Variants in ESRRB observed in about 807,000 individuals in gnomAD.
The protein encoded by ESRRB is estrogen related receptor beta, also known as steroid hormone receptor ERR2.
Under a neutral mutation model 46.0 loss-of-function variants are expected in ESRRB, and 16 were observed. The ratio of observed to expected loss-of-function variants is 0.35; its 90% confidence interval spans 0.24 to 0.53. The LOEUF is 0.53. ESRRB is among the 20% of genes least tolerant of loss of function. The pLI is 0.93. For synonymous variants in ESRRB, 246 were observed against 259.6 expected, an observed-to-expected ratio of 0.95 and a Z score of 0.50; for missense variants, 488 against 607.4, an observed-to-expected ratio of 0.80 and a Z score of 2.07.
chr14:76,446,283 T>A (rs1159784478), intron 2 of ESRRB, among the ~76,000 whole-genome samples: 1 of 152,210 alleles, frequency 6.6e-6, no homozygotes, highest in African/African-American at 2.4e-5. Flanking sequence ...CAGAGACCTA[T>A]AATCAACTCC....
At chr14:76,403,348 G>A (rs939777087) in intron 1 of ESRRB, among the ~76,000 whole-genome samples, 2 of 152,120 alleles carry the variant, frequency 1.3e-5, no homozygotes, top group African/African-American at 4.8e-5. Context: ...TGTGTGGCTG[G>A]GAAATCTATA....
chr14:76,405,504 G>T (rs1886145501), intron 1 of ESRRB, among the ~76,000 whole-genome samples: 1 of 152,134 alleles, frequency 6.6e-6, no homozygotes, highest in Non-Finnish European at 1.5e-5. Context: ...AAGTAGTGTG[G>T]GTGGTTTATC....
intron 1 of ESRRB, among the ~76,000 whole-genome samples, chr14:76,321,886 C>CA (rs35191942): frequency 0.57 from 81,102 of 141,792 alleles, 23,612 homozygotes; most frequent in Middle Eastern, 0.78. Flanking sequence ...GACTCCGTCT[C>CA]AAAAAAAAAA....
intron 1 of ESRRB, among the ~76,000 whole-genome samples, chr14:76,379,040 C>T (rs1377668716): frequency 6.6e-6 from 1 of 152,148 alleles, no homozygotes; most frequent in Non-Finnish European, 1.5e-5. Flanking sequence ...CTCTGGTCCT[C>T]CCTTTTGCTT....
chr14:76,484,917 C>T (rs951384523), intron 5 of ESRRB, among the ~76,000 whole-genome samples: 2 of 152,178 alleles, frequency 1.3e-5, no homozygotes, highest in African/African-American at 4.8e-5. Context: ...GAGGATGTAG[C>T]GCGCTTAGTG....
intron 1 of ESRRB, among the ~76,000 whole-genome samples, chr14:76,410,501 A>T (rs999550524): frequency 4.6e-5 from 7 of 152,178 alleles, no homozygotes; most frequent in Non-Finnish European, 8.8e-5. Context: ...ATGTGCACTC[A>T]TACACAGCTT....
chr14:76,482,857 AC>A lies in ESRRB; in HGVS notation c.850+102del. 1.4e-6 allele frequency: 2 copies of A among 1,444,418 alleles called. No individual in the cohort carries two copies. Among genetic ancestry groups the A allele is most frequent in the Non-Finnish European group, 9.6e-7 (1 of 1,037,378 alleles). 89.5% of individuals were successfully genotyped at this position (1,444,418 alleles called of 1,614,324 possible). Reference sequence around the variant, plus strand: ...TGTGCTTCTGATGCCCGGATCCTGGACCCCAGAAGGCCTGTGAAATCCTGGC... The same window carrying A: ...TGTGCTTCTGATGCCCGGATCCTGGACCCAGAAGGCCTGTGAAATCCTGGC... On this transcript the variant is annotated intron_variant, in intron 5 of 6. Coordinates refer to ENST00000644823, the MANE Select transcript of ESRRB (RefSeq NM_001379180.1). This position sits in a 1 kb window ranked among gnomAD's most constrained non-coding sequence, Gnocchi z 4.3.
chr14:76,367,538 CAG>C (rs1271400904), upstream of ESRRB, among the ~76,000 whole-genome samples: 1 of 134,808 alleles, frequency 7.4e-6, no homozygotes, highest in Non-Finnish European at 1.7e-5. Flanking sequence ...GCCTGGGTGA[CAG>C]GGGGCGATCC....
chr14:76,474,667 C>A (rs939612973), intron 3 of ESRRB, among the ~76,000 whole-genome samples: 3 of 151,996 alleles, frequency 2.0e-5, no homozygotes, highest in African/African-American at 7.2e-5. Flanking sequence ...ATGGTGAAAC[C>A]CTATCTCTAC....
chr14:76,323,167 C>T (rs1456195558), intron 1 of ESRRB, among the ~76,000 whole-genome samples: 6 of 152,138 alleles, frequency 3.9e-5, no homozygotes, highest in Non-Finnish European at 1.5e-5. Context: ...ACATTGAAAA[C>T]CTCAGATCAC....
intron 5 of ESRRB, among the ~76,000 whole-genome samples, chr14:76,485,521 C>T (rs958671570): frequency 6.6e-6 from 1 of 151,990 alleles, no homozygotes; most frequent in Non-Finnish European, 1.5e-5. Flanking sequence ...GGATTATAGG[C>T]GTGAGCCACC....
At chr14:76,453,162 A>C (rs1486044685) in intron 2 of ESRRB, among the ~76,000 whole-genome samples, 1 of 152,232 alleles carries the variant, frequency 6.6e-6, no homozygotes, top group Non-Finnish European at 1.5e-5. Context: ...AGCTCTTTAG[A>C]AGGAGAAGGG....
chr14:76,378,797 C>T (rs1884888733), intron 1 of ESRRB, among the ~76,000 whole-genome samples: 1 of 152,178 alleles, frequency 6.6e-6, no homozygotes, highest in African/African-American at 2.4e-5. Context: ...CTTTGTGACA[C>T]AGCTTTAGAG....
chr14:76,391,641 A>G (rs867846549), intron 1 of ESRRB, among the ~76,000 whole-genome samples: 1 of 152,338 alleles, frequency 6.6e-6, no homozygotes, highest in Middle Eastern at 3.4e-3. Flanking sequence ...GAGCTCCTCA[A>G]GGGCCCATCT....
intron 3 of ESRRB, among the ~76,000 whole-genome samples, chr14:76,467,479 C>T (rs538386860): frequency 1.2e-4 from 16 of 134,876 alleles, no homozygotes; most frequent in African/African-American, 1.7e-4. Context: ...CCAGCCTGGG[C>T]GACAGTGCAA....
intron 1 of ESRRB, among the ~76,000 whole-genome samples, chr14:76,356,675 A>C (rs538326582): frequency 2.0e-5 from 3 of 152,202 alleles, no homozygotes; most frequent in African/African-American, 7.2e-5. Flanking sequence ...CTCCAGACTC[A>C]TCCTATCCTC....
At chr14:76,332,607 TTTATATATTATATA>T (rs1884032309) in intron 1 of ESRRB, among the ~76,000 whole-genome samples, 2 of 44,834 alleles carry the variant, frequency 4.5e-5, no homozygotes, top group Non-Finnish European at 7.3e-5. Context: ...ATATTATATA[TTTATATATTATATA>T]AATATATATT....
chr14:76,466,587 C>G (rs1185829327), intron 3 of ESRRB, among the ~76,000 whole-genome samples: 1 of 152,118 alleles, frequency 6.6e-6, no homozygotes, highest in Non-Finnish European at 1.5e-5. Context: ...TTAAGCAAAT[C>G]TAGTACATAA....
chr14:76,350,223 G>A (rs1884297582), intron 1 of ESRRB, among the ~76,000 whole-genome samples: 1 of 152,130 alleles, frequency 6.6e-6, no homozygotes, highest in Non-Finnish European at 1.5e-5. Flanking sequence ...AATCCAGAAG[G>A]AACCTCTACT....
Sources: allele counts gnomAD v4.1 joint callset (sites outside exome capture counted in the v4.1 genomes callset), GRCh38; gene constraint gnomAD v4.1.1; non-coding constraint Gnocchi (gnomAD v3.1); transcripts MANE v1.5; gene names NCBI Gene and HGNC (gene_info 2026-07-23, HGNC 2026-07-21).